Variants in ATP6V1H observed in about 807,000 individuals in gnomAD.
ATP6V1H encodes V-type proton ATPase subunit H.
Under a neutral mutation model 71.7 loss-of-function variants are expected in ATP6V1H, and 39 were observed. The ratio of observed to expected loss-of-function variants is 0.54; its 90% CI spans 0.42 to 0.71. ATP6V1H has a LOEUF of 0.71. Among genes scored for constraint, ATP6V1H ranks in the 30% least tolerant of loss-of-function variants. ATP6V1H has a pLI of 0.00. For synonymous variants in ATP6V1H, 192 were observed against 199.3 expected (o/e 0.96, Z 0.31); for missense variants, 509 against 594.9 (o/e 0.86, Z 1.50).
intron 11 of ATP6V1H, among the ~76,000 whole-genome samples, chr8:53,767,641 CAG>C (rs1247942715): frequency 1.3e-5 from 2 of 152,126 alleles, no homozygotes; most frequent in African/African-American, 2.4e-5. Context: ...TACTGACCAA[CAG>C]AGAGTTCAGA....
intron 9 of ATP6V1H, among the ~76,000 whole-genome samples, chr8:53,774,609 C>G (rs1260005241): frequency 1.3e-5 from 2 of 152,048 alleles, no homozygotes; most frequent in African/African-American, 4.8e-5. Flanking sequence ...CAGATCAACC[C>G]TTCCACAGAA....
intron 12 of ATP6V1H, among the ~76,000 whole-genome samples, chr8:53,744,111 C>T (rs16919534): frequency 0.16 from 24,774 of 151,804 alleles, 3,246 homozygotes; most frequent in East Asian, 0.37. Context: ...GACCGTGCTG[C>T]GTGAAGATAG....
intron 12 of ATP6V1H, among the ~76,000 whole-genome samples, chr8:53,750,351 ACT>A (rs1807748540): frequency 6.6e-6 from 1 of 152,250 alleles, no homozygotes; most frequent in Admixed American, 6.5e-5. Context: ...AAACATGCAC[ACT>A]GAGAAAAACC....
Position 53,817,546 on chromosome 8 carries a change from A to G in ATP6V1H, c.307-16T>C. ...GATGATTTTCCTAAAAAAGAAAAGAAATGATATCACCAGTCAGAACACATT... is the reference window on the plus strand; with the variant it reads ...GATGATTTTCCTAAAAAAGAAAAGAGATGATATCACCAGTCAGAACACATT... On this transcript the variant is annotated splice_polypyrimidine_tract_variant and intron_variant, in intron 4 of 13. Coordinates refer to ENST00000359530, the MANE Select transcript of ATP6V1H (RefSeq NM_015941.4). 1 of 1,526,278 alleles carries G rather than the reference A, an allele frequency of 6.6e-7. No individual in the cohort carries two copies. The highest frequency in any genetic ancestry group is 9.0e-7 in the Non-Finnish European group (1 of 1,105,966). 94.5% of individuals were successfully genotyped at this position (1,526,278 alleles called of 1,614,324 possible).
chr8:53,777,408 G>T (rs192501559), intron 9 of ATP6V1H, among the ~76,000 whole-genome samples: 16 of 151,788 alleles, frequency 1.1e-4, no homozygotes, highest in African/African-American at 3.6e-4. Context: ...ATTTTGCTGA[G>T]AGAGAGCATT....
intron 6 of ATP6V1H, among the ~76,000 whole-genome samples, chr8:53,811,754 A>G (rs1810282379): frequency 6.6e-6 from 1 of 152,228 alleles, no homozygotes; most frequent in African/African-American, 2.4e-5. Flanking sequence ...AGTGCAAGAG[A>G]AAAGCAATAA....
At chr8:53,743,776 TA>T in intron 12 of ATP6V1H, 86 bp from the exon 13 acceptor site, 1 of 826,012 alleles carries the variant, frequency 1.2e-6, no homozygotes, top group Non-Finnish European at 1.9e-6. Context: ...ACCAACACGC[TA>T]AAAAGGAAAG....
At chr8:53,740,443 G>A (rs999850988) in intron 13 of ATP6V1H, among the ~76,000 whole-genome samples, 3 of 152,172 alleles carry the variant, frequency 2.0e-5, no homozygotes, top group African/African-American at 4.8e-5. Flanking sequence ...TGCCTGTCAC[G>A]CAGACCTTCA....
chr8:53,793,266 C>A (rs1809625274), intron 9 of ATP6V1H, among the ~76,000 whole-genome samples: 1 of 152,088 alleles, frequency 6.6e-6, no homozygotes, highest in Non-Finnish European at 1.5e-5. Context: ...TTATAGTGAG[C>A]AGAAAAATAT....
At chr8:53,825,330 A>C (rs1186468199) in intron 4 of ATP6V1H, among the ~76,000 whole-genome samples, 2 of 151,920 alleles carry the variant, frequency 1.3e-5, no homozygotes, top group African/African-American at 4.8e-5. Context: ...AGCTACTGCC[A>C]GGCCTTGTTT....
At chr8:53,838,859 T>C in intron 2 of ATP6V1H, among the ~76,000 whole-genome samples, 1 of 152,232 alleles carries the variant, frequency 6.6e-6, no homozygotes, top group East Asian at 1.9e-4. Flanking sequence ...ATTATCTCAG[T>C]ACAGAATGTG....
In ATP6V1H at chr8:53,775,261, A is replaced by AAGTG. The variant is rs535004309; in HGVS notation, c.871-3095_871-3094insCACT. Reference sequence around the variant, plus strand: ...GAGTGAAGCTGCAGACCTCCACGGTATTACAGCTCATAAAACCAGTGTGGA... The same window carrying AAGTG: ...GAGTGAAGCTGCAGACCTCCACGGTAAGTGTTACAGCTCATAAAACCAGTGTGGA... On this transcript the variant is annotated intron_variant, in intron 9 of 13. Transcript: ENST00000359530. Among the ~76,000 whole-genome samples, 339 of 152,134 alleles carry AAGTG rather than the reference A, an allele frequency of 2.2e-3. 2 individuals carry two copies. The highest frequency in any genetic ancestry group is 7.9e-3 in the African/African-American group (328 of 41,484).
rs1316945006 is a variant in ATP6V1H, at chr8:53,796,906, ATC to A, written c.678-1069_678-1068del. On this transcript the variant is annotated intron_variant, in intron 8 of 13. Transcript: ENST00000359530. ...TACTGTAACTTACTGAAAGGCTTTT[ATC>A]TGTGTCATTTCTTCATTTGTATGAT... Among the ~76,000 whole-genome samples the A allele has an allele frequency of 4.6e-5, 7 of 152,330 alleles. No homozygotes were observed. The East Asian group carries it at 1.3e-3, about 29-fold the overall frequency.
chr8:53,793,990 C>T (rs961376834), intron 9 of ATP6V1H, among the ~76,000 whole-genome samples: 1 of 152,074 alleles, frequency 6.6e-6, no homozygotes, highest in Non-Finnish European at 1.5e-5. Flanking sequence ...GCAGTTCCAT[C>T]TCCAGAACTA....
chr8:53,751,211 G>A (rs1807783676), intron 12 of ATP6V1H, among the ~76,000 whole-genome samples: 2 of 152,206 alleles, frequency 1.3e-5, no homozygotes, highest in African/African-American at 2.4e-5. Flanking sequence ...GTCTGATGAA[G>A]TGCTGAGGTA....
At chr8:53,784,315 C>A (rs1360744716) in intron 9 of ATP6V1H, among the ~76,000 whole-genome samples, 3 of 152,128 alleles carry the variant, frequency 2.0e-5, no homozygotes, top group Non-Finnish European at 1.5e-5. Context: ...CTCTTTTGAT[C>A]TTTGTTGGTT....
chr8:53,841,188 G>C (rs555576526), intron 2 of ATP6V1H, among the ~76,000 whole-genome samples: 2 of 152,280 alleles, frequency 1.3e-5, no homozygotes, highest in Admixed American at 6.5e-5. Context: ...CTTATTAGTT[G>C]TATGCACCAC....
intron 13 of ATP6V1H, among the ~76,000 whole-genome samples, chr8:53,724,433 T>C (rs1220790973): frequency 6.6e-6 from 1 of 152,166 alleles, no homozygotes; most frequent in African/African-American, 2.4e-5. Context: ...GTATGCCACA[T>C]AGCCTATCAG....
At chr8:53,818,023 G>A (rs949635656) in intron 4 of ATP6V1H, among the ~76,000 whole-genome samples, 68 of 152,156 alleles carry the variant, frequency 4.5e-4, no homozygotes, top group South Asian at 6.2e-4. Context: ...GAAAACTTGG[G>A]ATAAAGACAG....
Sources: allele counts gnomAD v4.1 joint callset (sites outside exome capture counted in the v4.1 genomes callset), GRCh38; gene constraint gnomAD v4.1.1; transcripts MANE v1.5; gene names NCBI Gene and HGNC (gene_info 2026-07-23, HGNC 2026-07-21).